TENM3: variants seen among roughly 807,000 people sequenced by gnomAD.
The protein encoded by TENM3 is teneurin transmembrane protein 3.
A neutral mutation model predicts 255.1 loss-of-function variants in TENM3; 63 were observed. That is an observed-to-expected ratio of 0.25 (90% confidence interval 0.20 to 0.30). TENM3 has a LOEUF of 0.30. Among genes scored for constraint, TENM3 ranks in the 10% least tolerant of loss-of-function variants. TENM3 has a pLI of 1.00. For synonymous variants in TENM3, 1,306 were observed against 1,322.3 expected, an observed-to-expected ratio of 0.99 and a Z score of 0.27; for missense variants, 2,929 against 3,461.1, an observed-to-expected ratio of 0.85 and a Z score of 3.86.
intron 5 of TENM3, among the ~76,000 whole-genome samples, chr4:182,636,716 C>CA (rs58957542): frequency 0.028 from 3,446 of 122,856 alleles, 61 homozygotes; most frequent in African/African-American, 0.052. Context: ...GACTCTGTCT[C>CA]AAAAAAAAAA....
intron 1 of TENM3, among the ~76,000 whole-genome samples, chr4:182,282,933 T>G (rs932893481): frequency 3.3e-5 from 5 of 151,148 alleles, no homozygotes; most frequent in Non-Finnish European, 7.4e-5. Flanking sequence ...GTTAAATATC[T>G]CCTAGTACAT....
At chr4:182,764,559 G>A (rs1023046009) in intron 22 of TENM3, among the ~76,000 whole-genome samples, 13 of 152,238 alleles carry the variant, frequency 8.5e-5, no homozygotes, top group Non-Finnish European at 1.6e-4. Flanking sequence ...AGTGTTGCAA[G>A]TTGTGAATAA....
chr4:182,078,318 T>G, the TENM3 span, among the ~76,000 whole-genome samples: 1 of 151,780 alleles, frequency 6.6e-6, no homozygotes, highest in South Asian at 2.1e-4. Flanking sequence ...GGTCAGGAGA[T>G]CAAGACCATC....
At chr4:182,230,854 A>ATATATC (rs1374417797) in intron 1 of TENM3, among the ~76,000 whole-genome samples, 5 of 123,898 alleles carry the variant, frequency 4.0e-5, no homozygotes, top group African/African-American at 9.2e-5. Context: ...ATATATATAT[A>ATATATC]TATCCCCCTT....
the TENM3 span, among the ~76,000 whole-genome samples, chr4:181,763,638 C>T: frequency 6.6e-6 from 1 of 152,190 alleles, no homozygotes; most frequent in Non-Finnish European, 1.5e-5. Context: ...GCTACGTCTT[C>T]AGAGTTGAGT....
At chr4:182,772,744 TA>T (rs900224893) in intron 22 of TENM3, 23 of 151,270 alleles carry the variant, frequency 1.5e-4, no homozygotes, top group African/African-American at 3.4e-4. Flanking sequence ...ATTTGTCTGC[TA>T]AAAAGAGTAA....
intron 1 of TENM3, among the ~76,000 whole-genome samples, chr4:182,285,129 T>C (rs17072976): frequency 0.03 from 4,639 of 152,222 alleles, 248 homozygotes; most frequent in African/African-American, 0.11. Flanking sequence ...GGGTTTCTAC[T>C]TTCCAACGCT....
At chr4:181,708,751 T>G in the TENM3 span, among the ~76,000 whole-genome samples, 1 of 152,314 alleles carries the variant, frequency 6.6e-6, no homozygotes, top group East Asian at 1.9e-4. Context: ...TCTAAGGATG[T>G]TTTAAAGCTC....
At chr4:182,564,181 A>G (rs562146472) in intron 3 of TENM3, among the ~76,000 whole-genome samples, 3 of 152,180 alleles carry the variant, frequency 2.0e-5, no homozygotes, top group Admixed American at 6.5e-5. Flanking sequence ...CTGCTTTCTG[A>G]GGCAGCTTGT....
At chr4:182,039,344 C>A in the TENM3 span, among the ~76,000 whole-genome samples, 5 of 152,176 alleles carry the variant, frequency 3.3e-5, no homozygotes, top group East Asian at 9.6e-4. Flanking sequence ...GTCAGGATGT[C>A]GCATCTGTTC....
At chr4:182,757,003 A>G (rs1762786493) in intron 22 of TENM3, among the ~76,000 whole-genome samples, 1 of 152,086 alleles carries the variant, frequency 6.6e-6, no homozygotes, top group South Asian at 2.1e-4. Context: ...TGGGCAGGAG[A>G]GCTGCTCTGA....
At chr4:182,516,468 T>C (rs1737956808) in intron 3 of TENM3, among the ~76,000 whole-genome samples, 1 of 152,358 alleles carries the variant, frequency 6.6e-6, no homozygotes, top group African/African-American at 2.4e-5. Context: ...ATAATGCCTT[T>C]ATTAGTTCCC....
At chr4:182,232,928 C>A (rs950270256) in intron 1 of TENM3, among the ~76,000 whole-genome samples, 1 of 152,188 alleles carries the variant, frequency 6.6e-6, no homozygotes, top group Non-Finnish European at 1.5e-5. Flanking sequence ...CCACTCAGAG[C>A]AGCACGCAAC....
intron 1 of TENM3, among the ~76,000 whole-genome samples, chr4:182,153,960 CA>C (rs376080869): frequency 1.5e-4 from 23 of 152,090 alleles, no homozygotes; most frequent in African/African-American, 5.5e-4. Flanking sequence ...ATAAATAGTT[CA>C]TACTCTTGGA....
At chr4:182,587,541 T>C (rs1746154872) in intron 3 of TENM3, among the ~76,000 whole-genome samples, 1 of 152,136 alleles carries the variant, frequency 6.6e-6, no homozygotes, top group South Asian at 2.1e-4. Context: ...ATCGCACCAC[T>C]GCACTTCAGC....
chr4:181,999,511 A>T, the TENM3 span, among the ~76,000 whole-genome samples: 1 of 152,210 alleles, frequency 6.6e-6, no homozygotes, highest in African/African-American at 2.4e-5. Flanking sequence ...AAAACTTGTG[A>T]AGCAATGAGA....
chr4:182,791,230 A>G (rs1307038525), intron 25 of TENM3, among the ~76,000 whole-genome samples: 1 of 152,196 alleles, frequency 6.6e-6, no homozygotes, highest in Non-Finnish European at 1.5e-5. Context: ...GGTCTGCCCA[A>G]AGAGGAGATT....
the TENM3 span, among the ~76,000 whole-genome samples, chr4:181,559,235 A>C: frequency 2.6e-5 from 4 of 152,314 alleles, no homozygotes; most frequent in South Asian, 8.3e-4. Flanking sequence ...TCTTTCTGAT[A>C]ATCTCCTGAT....
At chr4:182,399,544 A>C (rs1769085908) in intron 3 of TENM3, among the ~76,000 whole-genome samples, 1 of 152,214 alleles carries the variant, frequency 6.6e-6, no homozygotes, top group Admixed American at 6.5e-5. Context: ...AGTGATTAGT[A>C]ATATTTCAAC....
Sources: gnomAD v4.1 joint callset for allele counts (sites outside exome capture counted in the v4.1 genomes callset) on GRCh38, gnomAD v4.1.1 for gene constraint, MANE v1.5 for transcripts, NCBI Gene and HGNC (gene_info 2026-07-23, HGNC 2026-07-21) for gene names.